NKAIN2: variants seen among roughly 807,000 people sequenced by gnomAD.
NKAIN2 encodes sodium/potassium-transporting ATPase subunit beta-1-interacting protein 2.
A neutral mutation model predicts 32.6 loss-of-function variants in NKAIN2; 14 were observed. The observed-to-expected ratio is 0.43, with a 90% CI of 0.28 to 0.67. NKAIN2 has a LOEUF of 0.67. NKAIN2 is among the 30% of genes least tolerant of loss of function. The pLI is 0.17. For synonymous variants in NKAIN2, 80 were observed against 87.2 expected (o/e 0.92, Z 0.46); for missense variants, 198 against 258.3 (o/e 0.77, Z 1.60).
At chr6:124,330,994 G>A (rs1366042093) in intron 2 of NKAIN2, among the ~76,000 whole-genome samples, 2 of 152,028 alleles carry the variant, frequency 1.3e-5, no homozygotes, top group Non-Finnish European at 2.9e-5. Context: ...TCTGTCCATG[G>A]AAAAATTATC....
intron 3 of NKAIN2, among the ~76,000 whole-genome samples, chr6:124,511,123 A>G (rs888481564): frequency 2.0e-5 from 3 of 152,176 alleles, no homozygotes; most frequent in African/African-American, 4.8e-5. Context: ...GAGACCAATT[A>G]TATATCCTGA....
At chr6:124,294,455 G>T (rs1228876728) in intron 2 of NKAIN2, among the ~76,000 whole-genome samples, 1 of 152,062 alleles carries the variant, frequency 6.6e-6, no homozygotes, top group Non-Finnish European at 1.5e-5. Flanking sequence ...CTGCAAAAGG[G>T]TTTCAGCTTC....
intron 4 of NKAIN2, among the ~76,000 whole-genome samples, chr6:124,747,452 A>G (rs1777498705): frequency 6.6e-6 from 1 of 151,880 alleles, no homozygotes; most frequent in African/African-American, 2.4e-5. Flanking sequence ...CTGATGTGAA[A>G]ACTTGACTGG....
chr6:124,205,966 G>C (rs186018661), intron 1 of NKAIN2, among the ~76,000 whole-genome samples: 2 of 151,842 alleles, frequency 1.3e-5, no homozygotes, highest in Non-Finnish European at 2.9e-5. Flanking sequence ...ACAAATATGT[G>C]AGCAAGAGCA....
chr6:124,523,910 G>T (rs973873369), intron 3 of NKAIN2, among the ~76,000 whole-genome samples: 3 of 152,058 alleles, frequency 2.0e-5, no homozygotes, highest in Non-Finnish European at 4.4e-5. Flanking sequence ...CAATACTCTG[G>T]TTACTACCAA....
intron 3 of NKAIN2, among the ~76,000 whole-genome samples, chr6:124,609,893 T>G (rs896576419): frequency 2.0e-5 from 3 of 152,200 alleles, no homozygotes; most frequent in African/African-American, 7.2e-5. Context: ...TGTGTCTCCT[T>G]TCCTTTGTCT....
chr6:124,358,727 G>A (rs570668995), intron 3 of NKAIN2, among the ~76,000 whole-genome samples: 2 of 151,770 alleles, frequency 1.3e-5, no homozygotes, highest in Non-Finnish European at 2.9e-5. Flanking sequence ...TAGGTTGCCT[G>A]TTCACTCTGA....
chr6:124,794,871 C>A, intron 5 of NKAIN2: 1 of 966,014 alleles, frequency 1.0e-6, no homozygotes, highest in Non-Finnish European at 1.2e-6. Flanking sequence ...GACTTCCGAT[C>A]CATAGAGTAA....
chr6:124,319,815 C>T (rs1797099796), intron 2 of NKAIN2, among the ~76,000 whole-genome samples: 1 of 152,024 alleles, frequency 6.6e-6, no homozygotes, highest in South Asian at 2.1e-4. Context: ...TTTGAAAAAC[C>T]AATGTCAACT....
chr6:124,219,421 G>A (rs529905787), intron 1 of NKAIN2, among the ~76,000 whole-genome samples: 2 of 151,910 alleles, frequency 1.3e-5, no homozygotes, highest in Non-Finnish European at 2.9e-5. Flanking sequence ...GGGACTACAG[G>A]TGTGTGCCAC....
chr6:124,646,466 G>A (rs969513532), intron 3 of NKAIN2, among the ~76,000 whole-genome samples: 2 of 152,098 alleles, frequency 1.3e-5, no homozygotes, highest in Non-Finnish European at 2.9e-5. Flanking sequence ...GTAATAGAAA[G>A]AGTGGAAGGG....
intron 1 of NKAIN2, among the ~76,000 whole-genome samples, chr6:124,151,426 G>A: frequency 6.6e-6 from 1 of 151,866 alleles, no homozygotes; most frequent in East Asian, 1.9e-4. Context: ...TGGACTCTTG[G>A]ATGCATATGT....
chr6:124,453,322 A>AACACACACACACAC (rs766482280), intron 3 of NKAIN2, among the ~76,000 whole-genome samples: 940 of 63,874 alleles, frequency 0.015, 39 homozygotes, highest in African/African-American at 0.037. Context: ...CATGCATATA[A>AACACACACACACAC]ACACACACAC....
At chr6:123,981,948 A>G (rs1486959390) in intron 1 of NKAIN2, among the ~76,000 whole-genome samples, 2 of 152,180 alleles carry the variant, frequency 1.3e-5, no homozygotes, top group African/African-American at 2.4e-5. Context: ...TGGAGGTGCC[A>G]ATTAAAATGT....
chr6:124,278,023 G>A lies in NKAIN2; in HGVS notation c.55-4982G>A, dbSNP rs1795119897. 3.3e-5 allele frequency among the ~76,000 whole-genome samples: 5 copies of A among 151,820 alleles called. No individual in the cohort carries two copies. In the South Asian group the frequency reaches 1.1e-3, roughly 32 times the overall value. ...AAAAATAATATTATAGTAATATTTGGAAGAAAATTTGATTAAGAAATATTA... is the reference window on the plus strand; with the variant it reads ...AAAAATAATATTATAGTAATATTTGAAAGAAAATTTGATTAAGAAATATTA... On this transcript the variant is annotated intron_variant, in intron 1 of 6. Transcript: ENST00000368417.
intron 1 of NKAIN2, among the ~76,000 whole-genome samples, chr6:123,987,191 C>T (rs940256632): frequency 6.6e-6 from 1 of 152,036 alleles, no homozygotes; most frequent in Non-Finnish European, 1.5e-5. Flanking sequence ...TCTTTCATAT[C>T]TAATTTGAGT....
intron 1 of NKAIN2, among the ~76,000 whole-genome samples, chr6:124,007,036 C>G (rs1780106594): frequency 6.6e-6 from 1 of 152,108 alleles, no homozygotes; most frequent in African/African-American, 2.4e-5. Context: ...AAACATCATA[C>G]AGTGTACTTA....
At chr6:123,889,633 A>T (rs1045606457) in intron 1 of NKAIN2, among the ~76,000 whole-genome samples, 1 of 152,178 alleles carries the variant, frequency 6.6e-6, no homozygotes, top group Non-Finnish European at 1.5e-5. Flanking sequence ...AGACTCAGAG[A>T]AAAGGTTTAT....
At chr6:124,798,877 C>T (rs181057021) in intron 5 of NKAIN2, among the ~76,000 whole-genome samples, 1 of 152,264 alleles carries the variant, frequency 6.6e-6, no homozygotes, top group East Asian at 1.9e-4. Flanking sequence ...TCAAGATCCA[C>T]CCCTGTCTTG....
Sources: allele counts gnomAD v4.1 joint callset (sites outside exome capture counted in the v4.1 genomes callset), GRCh38; gene constraint gnomAD v4.1.1; transcripts MANE v1.5; gene names NCBI Gene and HGNC (gene_info 2026-07-23, HGNC 2026-07-21).